MACROD2: variants seen among roughly 807,000 people sequenced by gnomAD.
MACROD2 encodes ADP-ribose glycohydrolase MACROD2.
Under a neutral mutation model 70.4 loss-of-function variants are expected in MACROD2, and 36 were observed. That is an observed-to-expected ratio of 0.51 (90% CI 0.39 to 0.68). The LOEUF is 0.68. Ranked by LOEUF, MACROD2 falls within the 30% of genes least tolerant of loss-of-function variation. The pLI is 0.00. For synonymous variants in MACROD2, 172 were observed against 178.8 expected (o/e 0.96, Z 0.30); for missense variants, 496 against 538.4 (o/e 0.92, Z 0.78).
At chr20:15,773,253 C>T (rs1362714625) in intron 8 of MACROD2, among the ~76,000 whole-genome samples, 1 of 145,370 alleles carries the variant, frequency 6.9e-6, no homozygotes, top group African/African-American at 2.7e-5. Context: ...TGACATGATA[C>T]AGTTTTAAGA....
At chr20:14,988,853 G>A (rs1040222580) in intron 5 of MACROD2, among the ~76,000 whole-genome samples, 3 of 152,054 alleles carry the variant, frequency 2.0e-5, no homozygotes, top group Non-Finnish European at 2.9e-5. Flanking sequence ...AAATTTATTT[G>A]TAACATCAAT....
chr20:14,898,958 CT>C (rs897422166), intron 5 of MACROD2, among the ~76,000 whole-genome samples: 2 of 152,238 alleles, frequency 1.3e-5, no homozygotes, highest in African/African-American at 4.8e-5. Flanking sequence ...TAAATCATGC[CT>C]TTTTTTCTAG....
At chr20:15,573,126 A>C (rs926626994) in intron 8 of MACROD2, among the ~76,000 whole-genome samples, 1 of 152,128 alleles carries the variant, frequency 6.6e-6, no homozygotes, top group Admixed American at 6.6e-5. Context: ...AATAACTGCA[A>C]TGTGTTGGCA....
intron 7 of MACROD2, among the ~76,000 whole-genome samples, chr20:15,488,725 C>A (rs2208136): frequency 0.86 from 130,387 of 152,176 alleles, 56,271 homozygotes; most frequent in East Asian, 0.98. Context: ...TCCCAATATA[C>A]GCCTTTTCTA....
chr20:14,252,923 C>G (rs2082024287), intron 3 of MACROD2, among the ~76,000 whole-genome samples: 1 of 151,810 alleles, frequency 6.6e-6, no homozygotes, highest in South Asian at 2.1e-4. Flanking sequence ...ATTTTATTCT[C>G]CCTTGTCATT....
intron 5 of MACROD2, among the ~76,000 whole-genome samples, chr20:15,088,395 TTTTATATATATATATATATATATATATA>T (rs913594739): frequency 9.7e-6 from 1 of 103,270 alleles, no homozygotes; most frequent in African/African-American, 4.2e-5. Flanking sequence ...ATATACTATA[TTTTATATATATATATATATATATATATA>T]TATATATATA....
At chr20:15,399,319 G>A (rs1385976450) in intron 6 of MACROD2, among the ~76,000 whole-genome samples, 2 of 152,158 alleles carry the variant, frequency 1.3e-5, no homozygotes, top group Non-Finnish European at 2.9e-5. Context: ...AAGCTGCAGG[G>A]AAATAAAAGG....
At chr20:15,202,142 T>C (rs1390731941) in intron 5 of MACROD2, among the ~76,000 whole-genome samples, 2 of 152,186 alleles carry the variant, frequency 1.3e-5, no homozygotes, top group Non-Finnish European at 2.9e-5. Context: ...TGCTCTAAAA[T>C]TGAACCGTAT....
chr20:15,395,930 C>T (rs890189555), intron 6 of MACROD2, among the ~76,000 whole-genome samples: 6 of 152,162 alleles, frequency 3.9e-5, no homozygotes, highest in African/African-American at 1.4e-4. Context: ...AAATGCTCTC[C>T]CATTCCTCTT....
chr20:14,047,172 C>T (rs930075732), intron 2 of MACROD2, among the ~76,000 whole-genome samples: 12 of 151,994 alleles, frequency 7.9e-5, no homozygotes, highest in Admixed American at 2.0e-4. Context: ...ATGGGCTGGG[C>T]GCGGTGGCTC....
intron 8 of MACROD2, among the ~76,000 whole-genome samples, chr20:15,645,265 A>G (rs1402604259): frequency 1.3e-5 from 2 of 152,194 alleles, no homozygotes. Flanking sequence ...TCCCCATATC[A>G]TCACAGAGCC....
At chr20:14,322,914 T>C (rs958266491) in intron 3 of MACROD2, 2 of 152,184 alleles carry the variant, frequency 1.3e-5, no homozygotes, top group African/African-American at 4.8e-5. Context: ...AGTAGTTTGT[T>C]TTTAATTGCA....
intron 5 of MACROD2, among the ~76,000 whole-genome samples, chr20:14,797,976 CTG>C (rs1237453690): frequency 2.0e-5 from 3 of 152,076 alleles, no homozygotes. Flanking sequence ...TCATATCCTA[CTG>C]TGTTAATAGA....
chr20:15,304,197 G>T (rs2077674058), intron 6 of MACROD2, among the ~76,000 whole-genome samples: 1 of 152,026 alleles, frequency 6.6e-6, no homozygotes, highest in Non-Finnish European at 1.5e-5. Context: ...ACTGGGGTTG[G>T]AGATTAGGGA....
At chr20:14,472,413 A>G (rs150010494) in intron 3 of MACROD2, among the ~76,000 whole-genome samples, 9 of 152,302 alleles carry the variant, frequency 5.9e-5, no homozygotes, top group Non-Finnish European at 1.2e-4. Flanking sequence ...TTTCCAGCAT[A>G]TGTTGAATGC....
chr20:15,119,328 T>C (rs992987572), intron 5 of MACROD2, among the ~76,000 whole-genome samples: 2 of 152,194 alleles, frequency 1.3e-5, no homozygotes, highest in Non-Finnish European at 2.9e-5. Flanking sequence ...CTTATATTTT[T>C]CTTCCTATTT....
intron 3 of MACROD2, among the ~76,000 whole-genome samples, chr20:14,374,687 T>C (rs1373171168): frequency 6.6e-6 from 1 of 152,148 alleles, no homozygotes; most frequent in Non-Finnish European, 1.5e-5. Flanking sequence ...TATTGAAAAG[T>C]ATATTAAATA....
intron 3 of MACROD2, among the ~76,000 whole-genome samples, chr20:14,231,315 A>T (rs1306660783): frequency 6.6e-6 from 1 of 151,558 alleles, no homozygotes; most frequent in Admixed American, 6.6e-5. Flanking sequence ...CAGGCCCCAG[A>T]GTGTGATGTT....
intron 4 of MACROD2, among the ~76,000 whole-genome samples, chr20:14,645,345 G>A (rs1185899984): frequency 6.6e-6 from 1 of 151,808 alleles, no homozygotes; most frequent in Non-Finnish European, 1.5e-5. Context: ...TCATTTTCTG[G>A]TGCTTCTTTT....
Sources: gnomAD v4.1 joint callset for allele counts (sites outside exome capture counted in the v4.1 genomes callset) on GRCh38, gnomAD v4.1.1 for gene constraint, MANE v1.5 for transcripts, NCBI Gene and HGNC (gene_info 2026-07-23, HGNC 2026-07-21) for gene names.